The following CNTN5 variants were observed in gnomAD, a reference collection of about 807,000 sequenced individuals.
CNTN5 encodes contactin 5.
In CNTN5, 77 loss-of-function variants were observed where a neutral mutation model predicts 129.1. The observed-to-expected ratio is 0.60, with a 90% CI of 0.50 to 0.72. The LOEUF is 0.72. Ranked by LOEUF, CNTN5 falls within the 30% of genes least tolerant of loss-of-function variation. CNTN5 has a pLI of 0.00. For missense variants in CNTN5, 1,478 were observed against 1,328.8 expected (o/e 1.11, Z -1.75); for synonymous variants, 509 against 465.6 (o/e 1.09, Z -1.20).
chr11:99,313,098 C>A (rs983020923), intron 1 of CNTN5, among the ~76,000 whole-genome samples: 4 of 150,968 alleles, frequency 2.6e-5, no homozygotes, highest in African/African-American at 9.7e-5. Flanking sequence ...CTCACGCAAT[C>A]CAAGATTTGA....
At chr11:99,411,677 C>T (rs537527372) in intron 2 of CNTN5, among the ~76,000 whole-genome samples, 1 of 152,246 alleles carries the variant, frequency 6.6e-6, no homozygotes, top group African/African-American at 2.4e-5. Flanking sequence ...CAAATTACTC[C>T]TATTTGTAGC....
At chr11:100,198,705 G>A (rs893439449) in intron 15 of CNTN5, among the ~76,000 whole-genome samples, 1 of 151,786 alleles carries the variant, frequency 6.6e-6, no homozygotes, top group Non-Finnish European at 1.5e-5. Flanking sequence ...TCTAAAGTTC[G>A]TTTCATTATC....
intron 3 of CNTN5, among the ~76,000 whole-genome samples, chr11:99,779,311 C>T (rs574506569): frequency 4.9e-4 from 74 of 151,986 alleles, no homozygotes; most frequent in African/African-American, 1.5e-3. Flanking sequence ...TGTAATCAGG[C>T]TGAATTCAGA....
At chr11:99,906,213 C>T (rs768175313) in intron 6 of CNTN5, among the ~76,000 whole-genome samples, 2 of 151,974 alleles carry the variant, frequency 1.3e-5, no homozygotes, top group African/African-American at 2.4e-5. Flanking sequence ...TGTCTTGTGC[C>T]GGTTTTCAAA....
At chr11:99,631,504 C>T (rs966826111) in intron 3 of CNTN5, among the ~76,000 whole-genome samples, 1 of 151,508 alleles carries the variant, frequency 6.6e-6, no homozygotes, top group Non-Finnish European at 1.5e-5. Flanking sequence ...GTAGTTAAAC[C>T]AAACTGTTTA....
intron 6 of CNTN5, among the ~76,000 whole-genome samples, chr11:99,866,898 T>C (rs1948371078): frequency 6.6e-6 from 1 of 152,208 alleles, no homozygotes; most frequent in South Asian, 2.1e-4. Flanking sequence ...AACATCTTTG[T>C]ATAGATAGGT....
At chr11:100,039,788 C>A (rs534118701) in intron 9 of CNTN5, among the ~76,000 whole-genome samples, 1 of 152,190 alleles carries the variant, frequency 6.6e-6, no homozygotes, top group Non-Finnish European at 1.5e-5. Context: ...GCATTCGTCA[C>A]GTAGCTCTCA....
At chr11:99,808,799 T>C (rs891985712) in intron 3 of CNTN5, among the ~76,000 whole-genome samples, 6 of 152,154 alleles carry the variant, frequency 3.9e-5, no homozygotes, top group Admixed American at 3.9e-4. Flanking sequence ...TCTTACTAGA[T>C]GCTCCAACAT....
intron 1 of CNTN5, among the ~76,000 whole-genome samples, chr11:99,273,784 T>C (rs1208787139): frequency 2.2e-5 from 3 of 139,118 alleles, no homozygotes. Context: ...CATAAAAATC[T>C]GATTATACTT....
At chr11:100,341,354 TATAG>T (rs1952157978) in intron 23 of CNTN5, 149 bp downstream of exon 23, 3 of 631,798 alleles carry the variant, frequency 4.7e-6, no homozygotes, top group East Asian at 2.7e-5. Context: ...ATAGCCTTCC[TATAG>T]ATAGAGAAGC....
At chr11:99,418,563 C>G (rs1942760510) in intron 2 of CNTN5, among the ~76,000 whole-genome samples, 1 of 152,122 alleles carries the variant, frequency 6.6e-6, no homozygotes, top group South Asian at 2.1e-4. Flanking sequence ...GCTAAAATTA[C>G]TTTTCTTTTT....
intron 3 of CNTN5, among the ~76,000 whole-genome samples, chr11:99,772,267 A>G (rs1186434333): frequency 2.0e-5 from 3 of 152,118 alleles, no homozygotes; most frequent in Admixed American, 2.0e-4. Context: ...AATATAGTGT[A>G]GTCAAACATC....
chr11:99,756,204 T>A (rs754531251), intron 3 of CNTN5, among the ~76,000 whole-genome samples: 3 of 152,090 alleles, frequency 2.0e-5, no homozygotes, highest in Non-Finnish European at 4.4e-5. Context: ...AAGTATTGCC[T>A]ATGTCTAAGA....
intron 1 of CNTN5, among the ~76,000 whole-genome samples, chr11:99,313,633 G>T (rs1865210453): frequency 6.6e-6 from 1 of 151,954 alleles, no homozygotes; most frequent in African/African-American, 2.4e-5. Flanking sequence ...TTATCTCAAA[G>T]TGTACATTTC....
At chr11:99,691,723 T>C (rs1352575452) in intron 3 of CNTN5, among the ~76,000 whole-genome samples, 1 of 152,124 alleles carries the variant, frequency 6.6e-6, no homozygotes, top group Admixed American at 6.6e-5. Context: ...GAATGTATAT[T>C]CTGTTCTTGG....
At position 100,300,580 on chromosome 11, in the gene CNTN5, G is replaced by A. The variant is rs907957993; in HGVS notation, c.2620+1184G>A. On this transcript the variant is annotated intron_variant, in intron 20 of 24. Coordinates refer to ENST00000524871, the MANE Select transcript of CNTN5 (RefSeq NM_014361.4). The stretch of plus-strand genomic sequence containing the variant: ...CCCCCCATGAAGCTATGAGCTTCAC[G>A]GGGGATATAAATATAGTCATGTGAA... Among the ~76,000 whole-genome samples, 12 of 151,366 alleles carry A rather than the reference G, an allele frequency of 7.9e-5. No individual in the cohort carries two copies. In the East Asian group the frequency reaches 9.7e-4, roughly 12 times the overall value.
At chr11:99,475,345 C>G (rs1945330918) in intron 2 of CNTN5, among the ~76,000 whole-genome samples, 1 of 152,140 alleles carries the variant, frequency 6.6e-6, no homozygotes, top group African/African-American at 2.4e-5. Flanking sequence ...ATCCCAGCCT[C>G]TAGAACTGTA....
At chr11:99,592,140 C>T (rs1260675682) in intron 3 of CNTN5, among the ~76,000 whole-genome samples, 2 of 152,070 alleles carry the variant, frequency 1.3e-5, no homozygotes, top group African/African-American at 4.8e-5. Context: ...ACAGAGGTTG[C>T]TTAGGTGGTT....
At chr11:99,199,501 G>A (rs972070776) in intron 1 of CNTN5, among the ~76,000 whole-genome samples, 8 of 152,144 alleles carry the variant, frequency 5.3e-5, no homozygotes, top group South Asian at 4.2e-4. Context: ...CATGCTCACC[G>A]TCCTGTGGGT....
Sources: gnomAD v4.1 joint callset for allele counts (sites outside exome capture counted in the v4.1 genomes callset) on GRCh38, gnomAD v4.1.1 for gene constraint, MANE v1.5 for transcripts, NCBI Gene and HGNC (gene_info 2026-07-23, HGNC 2026-07-21) for gene names.